The following SLC17A8 variants were observed in gnomAD, a reference collection of about 807,000 sequenced individuals.
SLC17A8 encodes vesicular glutamate transporter 3.
In SLC17A8, 31 loss-of-function variants were observed where a neutral mutation model predicts 58.0. That is an observed-to-expected ratio of 0.53 (90% CI 0.40 to 0.72). The LOEUF (loss-of-function observed/expected upper bound fraction) is 0.72. Ranked by LOEUF, SLC17A8 falls within the 30% of genes least tolerant of loss-of-function variation. SLC17A8 has a pLI of 0.00. For missense variants in SLC17A8, 655 were observed against 727.8 expected (o/e 0.90, Z 1.15); for synonymous variants, 228 against 249.0 (o/e 0.92, Z 0.79).
intron 1 of SLC17A8, among the ~76,000 whole-genome samples, chr12:100,374,603 C>T (rs1346628676): frequency 6.6e-6 from 1 of 152,212 alleles, no homozygotes; most frequent in Non-Finnish European, 1.5e-5. Flanking sequence ...CAGTGCAAGA[C>T]TCCGTCTCAA....
At chr12:100,391,893 A>T (rs1952719342) in intron 3 of SLC17A8, among the ~76,000 whole-genome samples, 1 of 152,216 alleles carries the variant, frequency 6.6e-6, no homozygotes, top group African/African-American at 2.4e-5. Context: ...AGGTTTTCTC[A>T]GATGAGTGGT....
At chr12:100,404,976 A>C (rs546191137) in intron 9 of SLC17A8, among the ~76,000 whole-genome samples, 26 of 152,336 alleles carry the variant, frequency 1.7e-4, no homozygotes, top group Non-Finnish European at 2.4e-4. Context: ...GGATAGCGCC[A>C]CCTATGGGCA....
chr12:100,413,510 A>G (rs1289520684), intron 10 of SLC17A8, among the ~76,000 whole-genome samples: 1 of 152,166 alleles, frequency 6.6e-6, no homozygotes, highest in South Asian at 2.1e-4. Context: ...CTCTCTCACA[A>G]CTACCCTGCT....
intron 4 of SLC17A8, among the ~76,000 whole-genome samples, chr12:100,394,874 G>C (rs182652548): frequency 6.8e-6 from 1 of 146,436 alleles, no homozygotes; most frequent in Admixed American, 6.9e-5. Flanking sequence ...ATCATATATA[G>C]TGTATGTATA....
intron 2 of SLC17A8, among the ~76,000 whole-genome samples, chr12:100,382,903 A>G (rs1375525833): frequency 6.6e-6 from 1 of 152,198 alleles, no homozygotes; most frequent in Non-Finnish European, 1.5e-5. Flanking sequence ...TTTCAAACCA[A>G]GAGATTATTC....
intron 2 of SLC17A8, among the ~76,000 whole-genome samples, chr12:100,385,073 C>T (rs897276983): frequency 1.3e-5 from 2 of 151,394 alleles, no homozygotes; most frequent in African/African-American, 4.9e-5. Flanking sequence ...TATTGTCTAA[C>T]TAGAATCTCT....
At chr12:100,393,132 T>G (rs1168106919) in intron 3 of SLC17A8, among the ~76,000 whole-genome samples, 1 of 152,078 alleles carries the variant, frequency 6.6e-6, no homozygotes. Flanking sequence ...CCTGGCTAAT[T>G]TTTTGTATTT....
intron 3 of SLC17A8, among the ~76,000 whole-genome samples, chr12:100,391,513 C>T (rs1273621113): frequency 6.6e-6 from 1 of 152,132 alleles, no homozygotes; most frequent in Non-Finnish European, 1.5e-5. Flanking sequence ...CCATGTTGGC[C>T]AGGCTGATCT....
intron 2 of SLC17A8, among the ~76,000 whole-genome samples, chr12:100,388,094 A>C (rs1315253985): frequency 6.6e-6 from 1 of 152,010 alleles, no homozygotes; most frequent in African/African-American, 2.4e-5. Flanking sequence ...GCAAGACACA[A>C]CCCTACCTTG....
intron 11 of SLC17A8, among the ~76,000 whole-genome samples, chr12:100,419,491 C>T (rs1165302794): frequency 6.6e-6 from 1 of 151,344 alleles, no homozygotes; most frequent in Non-Finnish European, 1.5e-5. Flanking sequence ...CGAGATCGCG[C>T]CACTGCACTC....
At position 100,391,221 on chromosome 12, in the gene SLC17A8, A is replaced by C. The variant is rs1019514587; in HGVS notation, c.473+102A>C. On this transcript the variant is annotated intron_variant, in intron 3 of 11. Transcript: ENST00000323346. The stretch of plus-strand genomic sequence containing the variant: ...TCAATTTGGGGGTGCAGAATGAAAA[A>C]CAGGAGCCATCTGGATAGATGCAAT... 19 of 804,730 alleles carry C rather than the reference A, an allele frequency of 2.4e-5. No homozygotes were observed. In the African/African-American group the frequency reaches 3.2e-4, roughly 14 times the overall value. 49.8% of individuals were successfully genotyped at this position (804,730 alleles called of 1,614,324 possible).
chr12:100,416,974 C>T (rs1423512792), intron 10 of SLC17A8, among the ~76,000 whole-genome samples: 1 of 152,194 alleles, frequency 6.6e-6, no homozygotes, highest in Non-Finnish European at 1.5e-5. Context: ...AGTCAGATCT[C>T]AGCTCGCTGT....
intron 2 of SLC17A8, among the ~76,000 whole-genome samples, chr12:100,385,669 G>A (rs763799128): frequency 9.2e-5 from 14 of 152,184 alleles, no homozygotes; most frequent in Non-Finnish European, 1.8e-4. Context: ...GAAGTTCCTT[G>A]CTAACCCTCA....
intron 1 of SLC17A8, among the ~76,000 whole-genome samples, chr12:100,372,511 G>A (rs1194529243): frequency 6.6e-6 from 1 of 151,868 alleles, no homozygotes; most frequent in African/African-American, 2.4e-5. Context: ...CACCACACCT[G>A]GCTCAAATGT....
chr12:100,366,395 C>T (rs767259261), intron 1 of SLC17A8, among the ~76,000 whole-genome samples: 4 of 152,140 alleles, frequency 2.6e-5, no homozygotes, highest in African/African-American at 4.8e-5. Context: ...CACTATGAGA[C>T]GATCCTGTGC....
At chr12:100,407,973 C>G (rs1415864973) in intron 9 of SLC17A8, among the ~76,000 whole-genome samples, 1 of 151,994 alleles carries the variant, frequency 6.6e-6, no homozygotes, top group Non-Finnish European at 1.5e-5. Context: ...TTAAAAAGAC[C>G]ATAATGGTCC....
At chr12:100,413,150 G>C (rs2136015040) in intron 10 of SLC17A8, among the ~76,000 whole-genome samples, 1 of 152,240 alleles carries the variant, frequency 6.6e-6, no homozygotes, top group Non-Finnish European at 1.5e-5. Flanking sequence ...GACACGAGCA[G>C]AGGCCCAAGC....
chr12:100,378,857 G>A (rs1020381234), intron 1 of SLC17A8, among the ~76,000 whole-genome samples: 1 of 152,198 alleles, frequency 6.6e-6, no homozygotes, highest in African/African-American at 2.4e-5. Context: ...CTCACCGGTT[G>A]AAATTCAAAG....
intron 10 of SLC17A8, among the ~76,000 whole-genome samples, chr12:100,413,145 G>A (rs1022958740): frequency 3.3e-5 from 5 of 152,088 alleles, no homozygotes; most frequent in Admixed American, 6.6e-5. Context: ...TCTGAGACAC[G>A]AGCAGAGGCC....
Sources: gnomAD v4.1 joint callset for allele counts (sites outside exome capture counted in the v4.1 genomes callset) on GRCh38, gnomAD v4.1.1 for gene constraint, MANE v1.5 for transcripts, NCBI Gene and HGNC (gene_info 2026-07-23, HGNC 2026-07-21) for gene names.